The following CCDC125 variants were observed in gnomAD, a reference collection of about 807,000 sequenced individuals.
CCDC125 encodes coiled-coil domain-containing protein 125.
Under a neutral mutation model 57.4 loss-of-function variants are expected in CCDC125, and 43 were observed. That is an observed-to-expected ratio of 0.75 (90% CI 0.59 to 0.97). The LOEUF is 0.97. Among genes scored for constraint, CCDC125 ranks in the 50% least tolerant of loss-of-function variants. The pLI is 0.00. For missense variants in CCDC125, 563 were observed against 595.7 expected (o/e 0.95, Z 0.57); for synonymous variants, 187 against 195.2 (o/e 0.96, Z 0.35).
chr5:69,279,679 G>T (rs780153080), downstream of CCDC125, among the ~76,000 whole-genome samples: 1 of 151,986 alleles, frequency 6.6e-6, no homozygotes, highest in East Asian at 1.9e-4. Flanking sequence ...TGACTTCCTC[G>T]TGTGTGTGTG....
chr5:69,279,193 G>T (rs1418299728), downstream of CCDC125, among the ~76,000 whole-genome samples: 2 of 126,718 alleles, frequency 1.6e-5, no homozygotes, highest in Non-Finnish European at 3.2e-5. Flanking sequence ...AGCTCATGCA[G>T]GTTTGTTTTT....
At chr5:69,273,378 C>T in the CCDC125 span, among the ~76,000 whole-genome samples, 1 of 152,108 alleles carries the variant, frequency 6.6e-6, no homozygotes, top group African/African-American at 2.4e-5. Flanking sequence ...TGGTATATTT[C>T]AGTTGAGCTC....
At chr5:69,286,214 AT>A (rs1753361850) in intron 10 of CCDC125, among the ~76,000 whole-genome samples, 1 of 122,374 alleles carries the variant, frequency 8.2e-6, no homozygotes, top group African/African-American at 3.0e-5. Flanking sequence ...ATATATATAT[AT>A]ATATATATAT....
intron 8 of CCDC125, among the ~76,000 whole-genome samples, chr5:69,296,111 T>C (rs1470648500): frequency 2.0e-5 from 3 of 151,976 alleles, no homozygotes; most frequent in East Asian, 2.0e-4. Flanking sequence ...CTCGATCTCC[T>C]GACCTCGTGA....
intron 1 of CCDC125, among the ~76,000 whole-genome samples, chr5:69,323,236 G>A (rs1321108447): frequency 4.0e-5 from 6 of 151,708 alleles, no homozygotes; most frequent in Non-Finnish European, 8.8e-5. Context: ...TTGAACCTGG[G>A]AGACAGAGGT....
chr5:69,298,370 G>C (rs951723176), intron 8 of CCDC125, among the ~76,000 whole-genome samples: 1 of 152,130 alleles, frequency 6.6e-6, no homozygotes, highest in Non-Finnish European at 1.5e-5. Flanking sequence ...CTTTTTAAGA[G>C]GCTTTTCAGA....
At chr5:69,327,954 T>C (rs1398545360) in intron 1 of CCDC125, among the ~76,000 whole-genome samples, 2 of 152,198 alleles carry the variant, frequency 1.3e-5, no homozygotes, top group Non-Finnish European at 2.9e-5. Flanking sequence ...TGGAGTGCAA[T>C]GGCGCAATCT....
chr5:69,305,551 A>G (rs983275088), intron 6 of CCDC125, among the ~76,000 whole-genome samples: 1 of 152,194 alleles, frequency 6.6e-6, no homozygotes, highest in Non-Finnish European at 1.5e-5. Flanking sequence ...TATATGATCA[A>G]ACAGCAAACT....
Position 69,283,038 on chromosome 5 carries a change from C to T in CCDC125, c.1231-4G>A, listed in dbSNP as rs746377461. 1 of 1,571,896 alleles carries T rather than the reference C, an allele frequency of 6.4e-7. No individual in the cohort carries two copies. Among genetic ancestry groups the T allele is most frequent in the South Asian group, 1.2e-5 (1 of 83,480 alleles). ...AAGCTTCTTCTTTATCATTAAGCTG[C>T]ATGCACAGAAATTAAACATGTACAA... On this transcript the variant is annotated splice_region_variant and splice_polypyrimidine_tract_variant and intron_variant, in intron 11 of 11. Transcript: ENST00000396496.
At chr5:69,307,746 A>G in intron 5 of CCDC125, 2 of 561,062 alleles carry the variant, frequency 3.6e-6, no homozygotes, top group East Asian at 2.9e-5. Flanking sequence ...CTACCTTAAC[A>G]TGGGGAAATA....
chr5:69,290,461 C>A (rs917849678), intron 10 of CCDC125, among the ~76,000 whole-genome samples: 1 of 151,018 alleles, frequency 6.6e-6, no homozygotes, highest in East Asian at 1.9e-4. Context: ...TGCCATCACA[C>A]CCAGCTAATT....
chr5:69,273,354 A>G, the CCDC125 span, among the ~76,000 whole-genome samples: 3 of 152,116 alleles, frequency 2.0e-5, no homozygotes, highest in African/African-American at 7.2e-5. Flanking sequence ...AAGGCTTTTT[A>G]TTTGTTAAGA....
intron 1 of CCDC125, among the ~76,000 whole-genome samples, chr5:69,331,439 C>T (rs1761411341): frequency 6.6e-6 from 1 of 151,948 alleles, no homozygotes; most frequent in African/African-American, 2.4e-5. Context: ...ACCATGTTGG[C>T]CAGGCTGGTC....
At chr5:69,296,036 C>A (rs566932409) in intron 8 of CCDC125, among the ~76,000 whole-genome samples, 2 of 151,910 alleles carry the variant, frequency 1.3e-5, no homozygotes, top group Non-Finnish European at 1.5e-5. Flanking sequence ...GGCGCCACCA[C>A]GCCCGGCTAA....
chr5:69,275,495 A>G (rs1752024032), downstream of CCDC125, among the ~76,000 whole-genome samples: 1 of 152,180 alleles, frequency 6.6e-6, no homozygotes, highest in South Asian at 2.1e-4. Context: ...CACTAAGGAT[A>G]GCTCATAATT....
At chr5:69,307,679 C>CT in intron 5 of CCDC125, 1 of 344,474 alleles carries the variant, frequency 2.9e-6, no homozygotes, top group East Asian at 5.4e-5. Context: ...AGGACTCCAT[C>CT]TCAAAAAAAA....
chr5:69,305,874 C>A (rs771675945), intron 6 of CCDC125, among the ~76,000 whole-genome samples: 2 of 152,156 alleles, frequency 1.3e-5, no homozygotes, highest in African/African-American at 4.8e-5. Flanking sequence ...TTTATTCCCA[C>A]GTTCGTCTCC....
chr5:69,286,191 T>C (rs1321561325), intron 10 of CCDC125, among the ~76,000 whole-genome samples: 1 of 21,702 alleles, frequency 4.6e-5, no homozygotes, highest in Non-Finnish European at 7.8e-5. Flanking sequence ...TGGTAAACTA[T>C]ATATATATAT....
chr5:69,277,762 A>G (rs1463644920), downstream of CCDC125, among the ~76,000 whole-genome samples: 2 of 139,292 alleles, frequency 1.4e-5, no homozygotes, highest in African/African-American at 5.8e-5. Context: ...AGGGCAAGAC[A>G]CAGTCTCAAA....
Sources: allele counts gnomAD v4.1 joint callset (sites outside exome capture counted in the v4.1 genomes callset), GRCh38; gene constraint gnomAD v4.1.1; transcripts MANE v1.5; gene names NCBI Gene and HGNC (gene_info 2026-07-23, HGNC 2026-07-21).